The following ZNF763 variants were observed in gnomAD, a reference collection of about 807,000 sequenced individuals.
ZNF763 encodes the protein zinc finger protein 763.
In ZNF763, 33 loss-of-function variants were observed where a neutral mutation model predicts 38.0. That is an observed-to-expected ratio of 0.87 (90% CI 0.66 to 1.16). ZNF763 has a LOEUF of 1.16. Among genes scored for constraint, ZNF763 ranks in the 50% most tolerant of loss-of-function variants. ZNF763 has a pLI of 0.00. For synonymous variants in ZNF763, 155 were observed against 160.1 expected, an observed-to-expected ratio of 0.97 and a Z score of 0.24; for missense variants, 423 against 469.1, an observed-to-expected ratio of 0.90 and a Z score of 0.91.
In ZNF763 at chr19:11,980,528, A is replaced by G. The variant is rs1973597517; in HGVS notation, c.*1419A>G. ...TACCAGAAAGTACGTTGGGTAAAAC[A>G]TAGAAATTCATTTATACCTTAGAAA... On this transcript the variant is annotated 3_prime_UTR_variant, in exon 4 of 4. Transcript: ENST00000358987. The G allele has an allele frequency of 1.3e-5, 2 of 152,482 alleles. No homozygotes were observed. The highest frequency in any genetic ancestry group is 2.9e-5 in the Non-Finnish European group (2 of 68,230). The allele number at this position is 152,482 out of a possible 1,614,324, so 9.4% of individuals were successfully genotyped here.
intron 1 of ZNF763, among the ~76,000 whole-genome samples, chr19:11,972,062 CAAA>C (rs541531526): frequency 1.8e-5 from 2 of 111,930 alleles, no homozygotes. Context: ...AACTTTGTCT[CAAA>C]AAAAAAAAAA....
intron 1 of ZNF763, 147 bp downstream of exon 1, chr19:11,965,358 C>T (rs1012387711): frequency 2.6e-6 from 3 of 1,134,510 alleles, no homozygotes; most frequent in African/African-American, 3.2e-5. Context: ...CCTCGGTCCC[C>T]TCGGCCGCTG....
intron 1 of ZNF763, among the ~76,000 whole-genome samples, chr19:11,968,256 A>T (rs932925812): frequency 3.1e-4 from 46 of 149,476 alleles, no homozygotes; most frequent in African/African-American, 1.1e-3. Flanking sequence ...CAATAATTTA[A>T]TTTTTTTTTT....
At chr19:11,968,777 T>C (rs1973291879) in intron 1 of ZNF763, among the ~76,000 whole-genome samples, 1 of 152,096 alleles carries the variant, frequency 6.6e-6, no homozygotes, top group Non-Finnish European at 1.5e-5. Context: ...CCCAGCACGT[T>C]GGGAGGCCGA....
intron 1 of ZNF763, among the ~76,000 whole-genome samples, chr19:11,967,358 C>T (rs1027025668): frequency 1.3e-5 from 2 of 151,980 alleles, no homozygotes; most frequent in African/African-American, 4.8e-5. Context: ...ACAAAATAAA[C>T]AAGAAAGAGT....
chr19:11,975,672 G>A (rs910963419), intron 1 of ZNF763, among the ~76,000 whole-genome samples: 2 of 316 alleles, frequency 6.3e-3, no homozygotes, highest in African/African-American at 0.013. Flanking sequence ...GTGAGCCACC[G>A]CACCCCGGCC....
At position 11,979,103 on chromosome 19, in the gene ZNF763, C is replaced by T. The variant is rs1224376109; in HGVS notation, c.1179C>T (p.Thr393=). ...CTAAGAATGCGCTCTGGAGAAAGAC[C>T]TTATAAATGTTAGATATGTGGGAAA... is the stretch of plus-strand genomic sequence containing the variant. The part of the protein sequence containing the change: ...NTPKNALWRK[T]L Residue 393 remains threonine (T), a synonymous_variant, in exon 4 of 4, where the codon ACC becomes ACT. Coordinates refer to ENST00000358987, the MANE Select transcript of ZNF763 (RefSeq NM_001367172.2). 6.2e-7 allele frequency: 1 copy of T among 1,613,826 alleles called. No homozygotes were observed. The highest frequency in any genetic ancestry group is 1.3e-5 in the African/African-American group (1 of 74,958).
chr19:11,972,010 C>T (rs1973361249), intron 1 of ZNF763, among the ~76,000 whole-genome samples: 1 of 148,752 alleles, frequency 6.7e-6, no homozygotes, highest in Non-Finnish European at 1.5e-5. Context: ...TGCAGTGAGC[C>T]AAGATGGTGT....
chr19:11,978,270 A>G lies in ZNF763; in HGVS notation c.346A>G (p.Ile116Val), dbSNP rs760773850. ...TAACTTTGTATGTGGAGAAGTTGGC[A>G]TAGGTAACTCATCTTTTAATATGAA... ...CDNFVCGEVG[I>V]GNSSFNMNIR... The change falls in exon 4 of 4, where the codon ATA becomes GTA. Residue 116 changes from isoleucine (I) to valine (V), a missense_variant. Coordinates refer to ENST00000358987, the MANE Select transcript of ZNF763 (RefSeq NM_001367172.2). 5 of 1,614,134 alleles carry G rather than the reference A, an allele frequency of 3.1e-6. No individual in the cohort carries two copies. The highest frequency in any genetic ancestry group is 3.3e-5 in the Admixed American group (2 of 60,020).
At chr19:11,977,533 C>T in intron 3 of ZNF763, 102 bp downstream of exon 3, 2 of 1,388,046 alleles carry the variant, frequency 1.4e-6, no homozygotes, top group East Asian at 2.3e-5. Flanking sequence ...GTATCAAATT[C>T]ATCTCTTCTT....
intron 1 of ZNF763, among the ~76,000 whole-genome samples, chr19:11,972,062 C>CA (rs541531526): frequency 0.031 from 3,420 of 111,846 alleles, 53 homozygotes; most frequent in South Asian, 0.047. Context: ...AACTTTGTCT[C>CA]AAAAAAAAAA....
chr19:11,974,114 TTTC>T (rs748005288), intron 1 of ZNF763, among the ~76,000 whole-genome samples: 10,926 of 83,064 alleles, frequency 0.13, 511 homozygotes, highest in Middle Eastern at 0.22. Context: ...TCTTTCTTTC[TTTC>T]TTTCTTTCTT....
In ZNF763 at chr19:11,980,159, C is replaced by T. The variant is rs1235223008; in HGVS notation, c.*1050C>T. 3.0e-6 allele frequency: 2 copies of T among 663,938 alleles called. No individual in the cohort carries two copies. The highest frequency in any genetic ancestry group is 3.7e-5 in the African/African-American group (2 of 54,128). 41.1% of individuals were successfully genotyped at this position (663,938 alleles called of 1,614,324 possible). A position where few individuals can be genotyped will look rare whatever the true frequency, so the allele number is the denominator to read the frequency against. On this transcript the variant is annotated 3_prime_UTR_variant, in exon 4 of 4. Coordinates refer to ENST00000358987, the MANE Select transcript of ZNF763 (RefSeq NM_001367172.2). Reference sequence around the variant, plus strand: ...TGGATAGAAACCAAAGCAGGTGAATCACCTGAGGTCAGGAGTTCAAGACTG... The same window carrying T: ...TGGATAGAAACCAAAGCAGGTGAATTACCTGAGGTCAGGAGTTCAAGACTG...
In ZNF763 at chr19:11,965,195, C is replaced by A. The variant is rs765466544; in HGVS notation, c.-14C>A. On this transcript the variant is annotated 5_prime_UTR_variant, in exon 1 of 4. The change creates a new upstream start codon in the 5' untranslated region. Transcript: ENST00000358987. The stretch of plus-strand genomic sequence containing the variant: ...AGCTGTAGAGAGGACCCCAGGACAT[C>A]TGAAAGCCAGGAAATGGTGCGTGTG... 14 of 1,614,098 alleles carry A rather than the reference C, an allele frequency of 8.7e-6. No individual in the cohort carries two copies. Among genetic ancestry groups the A allele is most frequent in the Admixed American group, 5.0e-5 (3 of 60,022 alleles).
intron 1 of ZNF763, among the ~76,000 whole-genome samples, chr19:11,966,277 G>A (rs10417905): frequency 6.6e-6 from 1 of 152,026 alleles, no homozygotes; most frequent in Non-Finnish European, 1.5e-5. Flanking sequence ...TGTCTCACCT[G>A]CCATCCTGTC....
chr19:11,970,800 G>T (rs279286), intron 1 of ZNF763, among the ~76,000 whole-genome samples: 1 of 152,178 alleles, frequency 6.6e-6, no homozygotes, highest in Admixed American at 6.5e-5. Flanking sequence ...GCATGGCAGC[G>T]CATGGCTATA....
Position 11,978,249 on chromosome 19 carries a change from T to A in ZNF763, c.325T>A (p.Phe109Ile). The change falls in exon 4 of 4, where the codon TTT becomes ATT. Residue 109 changes from phenylalanine (F) to isoleucine (I), a missense_variant. By Grantham distance (21) the Phe-to-Ile change is conservative. Transcript: ENST00000358987. ...ASPEAKSCDN[F>I]VCGEVGIGNS... ...TCCTGAAGCAAAATCATGTGATAAC[T>A]TTGTATGTGGAGAAGTTGGCATAGG... 1 of 1,614,012 alleles carries A rather than the reference T, an allele frequency of 6.2e-7. No homozygotes were observed. Among genetic ancestry groups the A allele is most frequent in the Non-Finnish European group, 8.5e-7 (1 of 1,179,970 alleles).
intron 1 of ZNF763, among the ~76,000 whole-genome samples, chr19:11,974,065 TTTCTTTTCTTTC>T (rs1599315151): frequency 7.1e-6 from 1 of 140,656 alleles, no homozygotes; most frequent in East Asian, 2.0e-4. Flanking sequence ...TCTTTCCTTC[TTTCTTTTCTTTC>T]TTTCTTTCTT....
rs778630192 is a variant in ZNF763 at position 11,978,215 on chromosome 19, G to A, written c.291G>A (p.Lys97=). 2.1e-5 allele frequency: 34 copies of A among 1,613,784 alleles called. No homozygotes were observed. In the East Asian group the frequency reaches 3.3e-4, roughly 16 times the overall value. ...VPDDRLNFQE[K]KASPEAKSCD... is the part of the protein sequence containing the mutation. ...ATGACAGGCTGAACTTCCAGGAGAA[G>A]AAAGCTTCTCCTGAAGCAAAATCAT... Residue 97 remains lysine (K), a synonymous_variant, in exon 4 of 4, where the codon AAG becomes AAA. Transcript: ENST00000358987.
Sources: allele counts gnomAD v4.1 joint callset (sites outside exome capture counted in the v4.1 genomes callset), GRCh38; gene constraint gnomAD v4.1.1; transcripts MANE v1.5; gene names NCBI Gene and HGNC (gene_info 2026-07-23, HGNC 2026-07-21).